The following FRMPD4 variants were observed in gnomAD, a reference collection of about 807,000 sequenced individuals.
FRMPD4 encodes the protein FERM and PDZ domain containing 4, also known as FERM and PDZ domain-containing protein 4.
Under a neutral mutation model 94.1 loss-of-function variants are expected in FRMPD4, and 22 were observed. That is an observed-to-expected ratio of 0.23 (90% CI 0.17 to 0.33). The LOEUF (loss-of-function observed/expected upper bound fraction) is 0.33, where lower values mean the gene tolerates loss of function less well. Among genes scored for constraint, FRMPD4 ranks in the 10% least tolerant of loss-of-function variants. The pLI is 1.00. For missense variants in FRMPD4, 1,111 were observed against 1,339.9 expected (o/e 0.83, Z 2.67); for synonymous variants, 631 against 548.6 (o/e 1.15, Z -2.10).
Position 12,445,347 on chromosome X carries a change from T to C in FRMPD4, c.42-53333T>C, listed in dbSNP as rs183721779. Among the ~76,000 whole-genome samples the C allele has an allele frequency of 1.9e-4, 21 of 112,280 alleles. No homozygotes were observed. The East Asian group carries it at 5.6e-3, about 30-fold the overall frequency. ...CTGACGTAGAGCATTCTGTGCTACA[T>C]TGGTAGTATCTCATGCTTCACTTGA... is the stretch of plus-strand genomic sequence containing the variant. On this transcript the variant is annotated intron_variant, in intron 1 of 16. Transcript: ENST00000675598.
intron 1 of FRMPD4, among the ~76,000 whole-genome samples, chrX:12,331,199 T>A (rs2055366245): frequency 9.3e-6 from 1 of 107,236 alleles, no homozygotes; most frequent in African/African-American, 3.5e-5. Context: ...TTAAGGGCTG[T>A]GCAACAGAGT....
At chrX:12,652,068 A>C (rs2059600253) in intron 4 of FRMPD4, among the ~76,000 whole-genome samples, 1 of 112,788 alleles carries the variant, frequency 8.9e-6, no homozygotes, top group African/African-American at 3.2e-5. Flanking sequence ...ATGACCCTGA[A>C]AAGGCATGAG....
At chrX:12,232,746 G>A (rs2057027044) in intron 1 of FRMPD4, among the ~76,000 whole-genome samples, 1 of 111,712 alleles carries the variant, frequency 9.0e-6, no homozygotes, top group African/African-American at 3.3e-5. Flanking sequence ...TTTATTAAAC[G>A]ACCAGAGGTA....
intron 1 of FRMPD4, among the ~76,000 whole-genome samples, chrX:12,195,795 A>C (rs1476275798): frequency 8.9e-6 from 1 of 111,958 alleles, no homozygotes; most frequent in Non-Finnish European, 1.9e-5. Context: ...TTTTCTGCAG[A>C]GATGTAGACT....
chrX:12,720,591 A>G lies in FRMPD4; in HGVS notation c.4022A>G (p.His1341Arg). ...GGCATGCCTTCAGCTTGGTCTCAAC[A>G]TCCTGAAGCTGATCCCATCCTGCTA... ...RGGMPSAWSQ[H>R]PEADPILLPS... The change falls in exon 17 of 17, where the codon CAT (histidine) becomes CGT (arginine). Residue 1341 changes from histidine (H) to arginine (R), a missense_variant. Transcript: ENST00000675598. 1 of 1,202,606 alleles carries G rather than the reference A, an allele frequency of 8.3e-7. No homozygotes were observed. The highest frequency in any genetic ancestry group is 1.8e-5 in the South Asian group (1 of 55,498).
intron 2 of FRMPD4, among the ~76,000 whole-genome samples, chrX:12,553,513 G>A (rs2058563432): frequency 1.0e-5 from 1 of 95,656 alleles, no homozygotes; most frequent in Admixed American, 1.3e-4. Context: ...TGTAGCATTT[G>A]CCTCTCCTCT....
At chrX:11,985,831 A>G (rs189828947) in intron 3 of FRMPD4, among the ~76,000 whole-genome samples, 39 of 112,465 alleles carry the variant, frequency 3.5e-4, no homozygotes, top group African/African-American at 1.1e-3. Context: ...AGGGAAAAGC[A>G]GGAAGGACTG....
chrX:12,656,073 A>G, intron 4 of FRMPD4, among the ~76,000 whole-genome samples: 1 of 112,593 alleles, frequency 8.9e-6, no homozygotes, highest in East Asian at 2.8e-4. Context: ...TCTTTCAGTC[A>G]TAATGGCATT....
At chrX:12,343,995 T>C (rs771736469) in intron 1 of FRMPD4, among the ~76,000 whole-genome samples, 1 of 112,347 alleles carries the variant, frequency 8.9e-6, no homozygotes, top group South Asian at 3.7e-4. Flanking sequence ...TTAATTTAAT[T>C]TGGAATTGGA....
At chrX:12,279,426 C>A (rs1441128876) in intron 1 of FRMPD4, among the ~76,000 whole-genome samples, 1 of 112,611 alleles carries the variant, frequency 8.9e-6, no homozygotes, top group Non-Finnish European at 1.9e-5. Flanking sequence ...GAACTAGATG[C>A]TCTGCCCTGC....
Position 12,631,310 on chromosome X carries a change from G to A in FRMPD4, c.422+16429G>A, listed in dbSNP as rs1023120889. 1.1e-4 allele frequency among the ~76,000 whole-genome samples: 12 copies of A among 111,815 alleles called. No individual in the cohort carries two copies. The South Asian group carries it at 1.5e-3, about 14-fold the overall frequency. The stretch of plus-strand genomic sequence containing the variant: ...AATTGGAAAGAAAGAAGTGTTTGCC[G>A]AAAGAGCCATAAAAGGGAATTTAAT... On this transcript the variant is annotated intron_variant, in intron 4 of 16. Coordinates refer to ENST00000675598, the MANE Select transcript of FRMPD4 (RefSeq NM_001368397.1).
At chrX:11,862,050 C>T (rs2053690454) in intron 1 of FRMPD4, among the ~76,000 whole-genome samples, 1 of 110,337 alleles carries the variant, frequency 9.1e-6, no homozygotes, top group Non-Finnish European at 1.9e-5. Flanking sequence ...TTTTAAATGA[C>T]CAGATCTCAC....
intron 1 of FRMPD4, among the ~76,000 whole-genome samples, chrX:12,331,610 AAT>A (rs1234602775): frequency 2.8e-4 from 24 of 84,535 alleles, no homozygotes; most frequent in Admixed American, 5.3e-4. Flanking sequence ...TATATAATAT[AAT>A]ATATATATTA....
intron 1 of FRMPD4, among the ~76,000 whole-genome samples, chrX:12,273,551 A>G (rs1227045548): frequency 1.8e-5 from 2 of 112,558 alleles, no homozygotes. Flanking sequence ...TGCAGTATAT[A>G]ATCATATGAT....
Position 12,704,439 on chromosome X carries a change from C to A in FRMPD4, c.1151C>A (p.Ser384Ter), listed in dbSNP as rs2147144421. 1 of 1,191,173 alleles carries A rather than the reference C, an allele frequency of 8.4e-7. No homozygotes were observed. The highest frequency in any genetic ancestry group is 1.1e-6 in the Non-Finnish European group (1 of 881,083). ...MKEKNIKKAL[S>*]HLVKANQNLV... Reference sequence around the variant, plus strand: ...GAGAAGAACATAAAGAAAGCACTTTCACACCTTGTCAAAGCAAATCAAAAC... The same window carrying A: ...GAGAAGAACATAAAGAAAGCACTTTAACACCTTGTCAAAGCAAATCAAAAC... Residue 384 changes from serine to a stop codon, truncating the protein, a stop_gained, in exon 11 of 17, where the codon TCA becomes TAA. Coordinates refer to ENST00000675598, the MANE Select transcript of FRMPD4 (RefSeq NM_001368397.1). LOFTEE classifies it high-confidence loss of function.
rs34571736 is a variant in FRMPD4 at position 12,421,765 on chromosome X, G to GA, written c.42-76895dup. On this transcript the variant is annotated intron_variant, in intron 1 of 16. Coordinates refer to ENST00000675598, the MANE Select transcript of FRMPD4 (RefSeq NM_001368397.1). ...TGACAGACAGAGACCCTATCTCAAA[G>GA]AAAAAAAAAAAAAAAAAAAAGCTGG... Among the ~76,000 whole-genome samples the GA allele has an allele frequency of 1.3e-3, 93 of 69,600 alleles. 1 individual carries two copies. Among genetic ancestry groups the GA allele is most frequent in the Non-Finnish European group, 1.5e-3 (54 of 36,322 alleles). The allele number at this position is 69,600 out of a possible 115,157, so 60.4% of individuals were successfully genotyped here. A position where few individuals can be genotyped will look rare whatever the true frequency, so the allele number is the denominator to read the frequency against.
intron 1 of FRMPD4, among the ~76,000 whole-genome samples, chrX:12,378,515 G>A (rs1327335677): frequency 8.9e-6 from 1 of 112,309 alleles, no homozygotes. Context: ...GCCACTTGGG[G>A]GTGAAGAGCA....
chrX:12,168,397 G>A (rs893221534), intron 1 of FRMPD4, among the ~76,000 whole-genome samples: 2 of 107,476 alleles, frequency 1.9e-5, no homozygotes, highest in African/African-American at 6.8e-5. Flanking sequence ...TCTCCAACTT[G>A]CAGTGTGATC....
At chrX:12,324,294 T>A (rs1280075764) in intron 1 of FRMPD4, among the ~76,000 whole-genome samples, 2 of 112,324 alleles carry the variant, frequency 1.8e-5, no homozygotes, top group African/African-American at 6.5e-5. Context: ...CTCTAAAATA[T>A]GCTCTTATTG....
Sources: allele counts gnomAD v4.1 joint callset (sites outside exome capture counted in the v4.1 genomes callset), GRCh38; gene constraint gnomAD v4.1.1; transcripts MANE v1.5; gene names NCBI Gene and HGNC (gene_info 2026-07-23, HGNC 2026-07-21).